Variants in JCAD observed in about 807,000 individuals in gnomAD.
JCAD encodes the protein junctional cadherin 5 associated.
In JCAD, 40 loss-of-function variants were observed where a neutral mutation model predicts 98.0. The ratio of observed to expected loss-of-function variants is 0.41; its 90% CI spans 0.32 to 0.53. The LOEUF is 0.53. Ranked by LOEUF, JCAD falls within the 20% of genes least tolerant of loss-of-function variation. JCAD has a pLI of 0.31. For synonymous variants in JCAD, 691 were observed against 682.3 expected (o/e 1.01, Z -0.20); for missense variants, 1,705 against 1,738.1 (o/e 0.98, Z 0.34).
intron 1 of JCAD, among the ~76,000 whole-genome samples, chr10:30,083,567 A>G (rs1838120427): frequency 6.6e-6 from 1 of 152,256 alleles, no homozygotes; most frequent in South Asian, 2.1e-4. Flanking sequence ...TGTATACCAC[A>G]GAATACAGGG....
chr10:30,108,559 C>T (rs143768647), intron 1 of JCAD, among the ~76,000 whole-genome samples: 1,578 of 152,248 alleles, frequency 0.01, 33 homozygotes, highest in African/African-American at 0.035. Flanking sequence ...GATATCCCAT[C>T]GTTCATTGTT....
In JCAD at chr10:30,017,918, C is replaced by A; in HGVS notation, c.4046-1G>T. On this transcript the variant is annotated splice_acceptor_variant, in intron 3 of 3. Transcript: ENST00000375377. LOFTEE classifies it high-confidence loss of function. ...TCCACTCTGCTAGGGTCATAGGAAT[C>A]TGTAAAATAAGAAAAGAAAAGAAAA... 1 of 1,609,882 alleles carries A rather than the reference C, an allele frequency of 6.2e-7. No individual in the cohort carries two copies. Among genetic ancestry groups the A allele is most frequent in the Non-Finnish European group, 8.5e-7 (1 of 1,177,692 alleles).
At chr10:30,023,804 C>T (rs1454500302) in intron 3 of JCAD, among the ~76,000 whole-genome samples, 2 of 151,888 alleles carry the variant, frequency 1.3e-5, no homozygotes, top group Non-Finnish European at 2.9e-5. Context: ...ATTTGCATTA[C>T]CTGGGTGTTT....
At chr10:30,046,634 T>C (rs1429364233) in intron 2 of JCAD, among the ~76,000 whole-genome samples, 4 of 152,198 alleles carry the variant, frequency 2.6e-5, no homozygotes, top group Admixed American at 6.5e-5. Context: ...ATGACTCCTA[T>C]CTGAGGCAAG....
upstream of JCAD, among the ~76,000 whole-genome samples, chr10:30,061,734 T>C (rs916908329): frequency 3.3e-5 from 5 of 151,174 alleles, no homozygotes; most frequent in African/African-American, 1.2e-4. Flanking sequence ...ATGCAGACTT[T>C]TTTTTTTTTT....
intron 1 of JCAD, among the ~76,000 whole-genome samples, chr10:30,110,238 C>T (rs935127958): frequency 1.3e-5 from 2 of 151,776 alleles, no homozygotes; most frequent in Admixed American, 6.6e-5. Context: ...ATGTGTGAAC[C>T]TCCTGATGTA....
rs71491415 is a variant in JCAD, at chr10:30,031,987, C to T, written c.282-2121G>A. On this transcript the variant is annotated intron_variant, in intron 2 of 3. Transcript: ENST00000375377. ...GCCGGGATGGTCTCGATCTCCTGAC[C>T]TCGTGATCCGCCCGCCTCGGCCTCC... Among the ~76,000 whole-genome samples the T allele has an allele frequency of 8.6e-3, 1,309 of 151,832 alleles. 6 individuals are homozygous for T. Among genetic ancestry groups the T allele is most frequent in the Middle Eastern group, 0.037 (11 of 294 alleles).
At chr10:30,018,039 T>C (rs1261292795) in intron 3 of JCAD, 122 bp from the exon 4 acceptor site, 3 of 709,984 alleles carry the variant, frequency 4.2e-6, no homozygotes, top group Middle Eastern at 3.3e-4. Flanking sequence ...GGTTAATTTT[T>C]AGACATTTTA....
chr10:30,094,450 A>C (rs182921517), intron 1 of JCAD, among the ~76,000 whole-genome samples: 34 of 152,218 alleles, frequency 2.2e-4, no homozygotes, highest in Non-Finnish European at 2.2e-4. Context: ...ACTCCATCTC[A>C]AAACAAAAAC....
At chr10:30,034,156 G>T (rs1039901047) in intron 2 of JCAD, among the ~76,000 whole-genome samples, 5 of 152,022 alleles carry the variant, frequency 3.3e-5, no homozygotes, top group African/African-American at 1.2e-4. Flanking sequence ...CCGGGAGGAG[G>T]AGGTTGCAGT....
chr10:30,054,803 G>A (rs539284687), intron 1 of JCAD, among the ~76,000 whole-genome samples: 1,561 of 151,734 alleles, frequency 0.01, 15 homozygotes, highest in Non-Finnish European at 0.015. Context: ...CGGAGTAGCT[G>A]GGACTACAGG....
chr10:30,085,023 A>G (rs1024866513), intron 1 of JCAD, among the ~76,000 whole-genome samples: 2 of 152,240 alleles, frequency 1.3e-5, no homozygotes. Flanking sequence ...TTGCCATCAC[A>G]TTAATAAAAT....
chr10:30,021,431 A>T (rs1741367044), intron 3 of JCAD, among the ~76,000 whole-genome samples: 1 of 152,040 alleles, frequency 6.6e-6, no homozygotes, highest in African/African-American at 2.4e-5. Flanking sequence ...GGCTCAGATG[A>T]TCCTCCCACC....
At chr10:30,072,960 G>A (rs187794792) in intron 1 of JCAD, among the ~76,000 whole-genome samples, 1 of 152,170 alleles carries the variant, frequency 6.6e-6, no homozygotes, top group Non-Finnish European at 1.5e-5. Flanking sequence ...ATTCTAATGT[G>A]CACCAAAGTT....
Position 30,027,928 on chromosome 10 carries a change from A to T in JCAD, c.2220T>A (p.Asp740Glu). Reference sequence around the variant, plus strand: ...TACGGGCACTTGGCCTCTGTTTGTGATCACCGGTAGGGAATGCTGTGTGCG... The same window carrying T: ...TACGGGCACTTGGCCTCTGTTTGTGTTCACCGGTAGGGAATGCTGTGTGCG... The part of the protein sequence containing the change: ...AQTHTAFPTG[D>E]HKQRPSARNL... The change falls in exon 3 of 4, where the codon GAT (aspartate) becomes GAA (glutamate). Residue 740 changes from aspartate to glutamate, a missense_variant. By Grantham distance (45) the Asp-to-Glu change is conservative. Coordinates refer to ENST00000375377, the MANE Select transcript of JCAD (RefSeq NM_020848.4). 1.2e-6 allele frequency: 2 copies of T among 1,614,186 alleles called. No homozygotes were observed. The highest frequency in any genetic ancestry group is 2.2e-5 in the South Asian group (2 of 91,088).
chr10:30,093,951 T>C (rs1838326424), intron 1 of JCAD, among the ~76,000 whole-genome samples: 1 of 152,232 alleles, frequency 6.6e-6, no homozygotes, highest in South Asian at 2.1e-4. Context: ...GCATATCTTG[T>C]TCTAAAGAGG....
intron 1 of JCAD, among the ~76,000 whole-genome samples, chr10:30,102,205 G>T (rs145488798): frequency 0.01 from 1,575 of 152,214 alleles, 23 homozygotes; most frequent in Middle Eastern, 0.054. Context: ...CTCTTGCTCT[G>T]TCGCCCAGGC....
At chr10:30,022,248 G>A (rs1836674825) in intron 3 of JCAD, among the ~76,000 whole-genome samples, 1 of 152,130 alleles carries the variant, frequency 6.6e-6, no homozygotes, top group Non-Finnish European at 1.5e-5. Context: ...CGGCACAAGG[G>A]TGTGTGTGTA....
rs754387196 is a variant in JCAD, at chr10:30,028,284, G to A, written c.1864C>T (p.Gln622Ter). ...GSDKSPALQE[Q>*]SLLSMSSTDL... is the part of the protein sequence containing the mutation. Reference sequence around the variant, plus strand: ...GTGGAAGACATGCTCAGCAGACTCTGTTCTTGCAGAGCCGGGCTCTTATCA... The same window carrying A: ...GTGGAAGACATGCTCAGCAGACTCTATTCTTGCAGAGCCGGGCTCTTATCA... Residue 622 changes from glutamine to a stop codon, truncating the protein, a stop_gained, in exon 3 of 4, where the codon CAG becomes TAG. Coordinates refer to ENST00000375377, the MANE Select transcript of JCAD (RefSeq NM_020848.4). LOFTEE classifies it high-confidence loss of function. 1 of 1,614,240 alleles carries A rather than the reference G, an allele frequency of 6.2e-7. No homozygotes were observed. The highest frequency in any genetic ancestry group is 2.2e-5 in the East Asian group (1 of 44,884).
Sources: gnomAD v4.1 joint callset for allele counts (sites outside exome capture counted in the v4.1 genomes callset) on GRCh38, gnomAD v4.1.1 for gene constraint, MANE v1.5 for transcripts, NCBI Gene and HGNC (gene_info 2026-07-23, HGNC 2026-07-21) for gene names.